ZPLD1: variants seen among roughly 807,000 people sequenced by gnomAD.
ZPLD1 encodes zona pellucida-like domain-containing protein 1.
Under a neutral mutation model 47.2 loss-of-function variants are expected in ZPLD1, and 34 were observed. The observed-to-expected ratio is 0.72, with a 90% CI of 0.55 to 0.96. The LOEUF (loss-of-function observed/expected upper bound fraction) is 0.96. Ranked by LOEUF, ZPLD1 falls within the 40% of genes least tolerant of loss-of-function variation. The pLI, the probability that ZPLD1 is intolerant of heterozygous loss-of-function variation, is 0.00. For missense variants in ZPLD1, 512 were observed against 505.8 expected (o/e 1.01, Z -0.12); for synonymous variants, 176 against 186.2 (o/e 0.95, Z 0.45).
In ZPLD1 at chr3:102,422,200, C is replaced by T. The variant is rs560861889; in HGVS notation, c.-9+3993C>T. 5.3e-5 allele frequency among the ~76,000 whole-genome samples: 8 copies of T among 151,990 alleles called. No homozygotes were observed. The East Asian group carries it at 5.8e-4, about 11-fold the overall frequency. ...TCTGCACTCTAGTAGCTCCTAAATA[C>T]GAAGATGAATATCATACTCTTGCTG... is the stretch of plus-strand genomic sequence containing the variant. On this transcript the variant is annotated intron_variant, in intron 8 of 17. Transcript: ENST00000491959.
chr3:102,435,289 T>G (rs1313616991), intron 1 of ZPLD1, 135 bp downstream of exon 1: 3 of 915,064 alleles, frequency 3.3e-6, no homozygotes, highest in Non-Finnish European at 5.2e-6. Context: ...GGATACTGCC[T>G]TTATAAGAGA....
intron 3 of ZPLD1, among the ~76,000 whole-genome samples, chr3:102,444,940 G>A (rs932952981): frequency 9.9e-5 from 15 of 152,102 alleles, no homozygotes; most frequent in Admixed American, 7.2e-4. Flanking sequence ...CTCTACCCCC[G>A]TCCTCTCCAG....
At chr3:102,387,596 C>A (rs1176310080) in intron 6 of ZPLD1, among the ~76,000 whole-genome samples, 1 of 152,090 alleles carries the variant, frequency 6.6e-6, no homozygotes, top group African/African-American at 2.4e-5. Flanking sequence ...GGTTAAGAAT[C>A]ATTTTCTCTC....
intron 2 of ZPLD1, among the ~76,000 whole-genome samples, chr3:102,437,176 C>A (rs951949218): frequency 6.6e-6 from 1 of 152,168 alleles, no homozygotes; most frequent in Non-Finnish European, 1.5e-5. Context: ...CACAGGCAAT[C>A]AGAACTAACT....
At chr3:102,458,355 TA>T (rs1707451797) in intron 6 of ZPLD1, among the ~76,000 whole-genome samples, 1 of 152,196 alleles carries the variant, frequency 6.6e-6, no homozygotes. Context: ...TAGCATTATC[TA>T]AATTTTTGTC....
rs75260029 is a variant in ZPLD1 at position 102,411,651 on chromosome 3, C to A, written c.-156-6409C>A. 1.2e-3 allele frequency among the ~76,000 whole-genome samples: 186 copies of A among 151,766 alleles called. 2 individuals are homozygous for A. In the East Asian group the frequency reaches 0.029, roughly 24 times the overall value. On this transcript the variant is annotated intron_variant, in intron 7 of 17. Transcript: ENST00000491959. ...CCAGATTTAGGTCTCCAAAAGAATCCTTCCCCCAAGAATAATGAGTCAACT... is the reference window on the plus strand; with the variant it reads ...CCAGATTTAGGTCTCCAAAAGAATCATTCCCCCAAGAATAATGAGTCAACT...
chr3:102,419,790 CTT>C (rs1165883868), intron 8 of ZPLD1, among the ~76,000 whole-genome samples: 1 of 151,402 alleles, frequency 6.6e-6, no homozygotes, highest in African/African-American at 2.4e-5. Flanking sequence ...GCTTGAATAA[CTT>C]TAAGTTCATG....
chr3:102,420,105 T>C (rs948283176), intron 8 of ZPLD1, among the ~76,000 whole-genome samples: 2 of 151,858 alleles, frequency 1.3e-5, no homozygotes, highest in Non-Finnish European at 2.9e-5. Context: ...GATGTCTAAG[T>C]TGATTTCAAG....
intron 8 of ZPLD1, among the ~76,000 whole-genome samples, chr3:102,420,000 G>A (rs1345354121): frequency 6.6e-6 from 1 of 151,000 alleles, no homozygotes; most frequent in Non-Finnish European, 1.5e-5. Flanking sequence ...ATTGTAAAAT[G>A]GTGTAGCTGG....
intron 8 of ZPLD1, among the ~76,000 whole-genome samples, chr3:102,424,453 C>G (rs1372140075): frequency 6.6e-6 from 1 of 152,160 alleles, no homozygotes; most frequent in East Asian, 1.9e-4. Flanking sequence ...TAATCAAACT[C>G]TATAATCTAA....
At chr3:102,425,334 A>G (rs1481045359) in intron 8 of ZPLD1, among the ~76,000 whole-genome samples, 3 of 152,158 alleles carry the variant, frequency 2.0e-5, no homozygotes, top group African/African-American at 4.8e-5. Flanking sequence ...CCAAAATACT[A>G]TGAAATGTAT....
At chr3:102,465,196 A>G (rs1559760376) in intron 8 of ZPLD1, among the ~76,000 whole-genome samples, 1 of 152,222 alleles carries the variant, frequency 6.6e-6, no homozygotes, top group Non-Finnish European at 1.5e-5. Flanking sequence ...AATATTTATG[A>G]CATTCTGGTC....
chr3:102,414,977 A>C (rs1259324217), intron 7 of ZPLD1, among the ~76,000 whole-genome samples: 1 of 151,926 alleles, frequency 6.6e-6, no homozygotes, highest in East Asian at 1.9e-4. Context: ...ATCAAAAGTA[A>C]GGCTAATTTA....
At chr3:102,402,212 T>C (rs987552919) in intron 7 of ZPLD1, among the ~76,000 whole-genome samples, 1 of 152,062 alleles carries the variant, frequency 6.6e-6, no homozygotes, top group South Asian at 2.1e-4. Context: ...AGTATTTTAC[T>C]GCTCTTTTTT....
At chr3:102,460,669 T>G (rs940463909) in intron 6 of ZPLD1, among the ~76,000 whole-genome samples, 2 of 151,992 alleles carry the variant, frequency 1.3e-5, no homozygotes, top group Non-Finnish European at 2.9e-5. Flanking sequence ...AATATATTAC[T>G]AATGAGTAAA....
chr3:102,476,897 G>A lies in ZPLD1; in HGVS notation c.1043-115G>A, dbSNP rs76269972. ...TTACTCAAGGAGATTATGGGTGGAC[G>A]TAAGAGGAGATAACAGGTAAAAATG... On this transcript the variant is annotated intron_variant, in intron 10 of 11. Coordinates refer to ENST00000466937, the MANE Select transcript of ZPLD1 (RefSeq NM_001329788.2). 3.0e-3 allele frequency: 3,690 copies of A among 1,230,898 alleles called. 91 individuals carry two copies. In the African/African-American group the frequency reaches 0.049, roughly 16 times the overall value. The allele number at this position is 1,230,898 out of a possible 1,614,324, so 76.2% of individuals were successfully genotyped here. A position where few individuals can be genotyped will look rare whatever the true frequency, so the allele number is the denominator to read the frequency against.
intron 6 of ZPLD1, among the ~76,000 whole-genome samples, chr3:102,385,937 G>T (rs1266982689): frequency 6.6e-6 from 1 of 152,150 alleles, no homozygotes; most frequent in Admixed American, 6.5e-5. Context: ...CCTCTTGTCT[G>T]GTTCCCAGAA....
At position 102,479,667 on chromosome 3, in the gene ZPLD1, A is replaced by G. The variant is rs1033633481; in HGVS notation, c.*2049A>G. ...ACTTTGTTCTTATAAATCTGCAGTT[A>G]TATGGAGTATTTAGTTATACTGAAT... On this transcript the variant is annotated 3_prime_UTR_variant, in exon 12 of 12. Coordinates refer to ENST00000466937, the MANE Select transcript of ZPLD1 (RefSeq NM_001329788.2). 3 of 152,184 alleles carry G rather than the reference A, an allele frequency of 2.0e-5. No homozygotes were observed. Among genetic ancestry groups the G allele is most frequent in the Non-Finnish European group, 4.4e-5 (3 of 68,034 alleles). The allele number at this position is 152,184 out of a possible 1,614,324, so 9.4% of individuals were successfully genotyped here. A position where few individuals can be genotyped will look rare whatever the true frequency, so the allele number is the denominator to read the frequency against.
chr3:102,470,838 G>A (rs1707672696), intron 10 of ZPLD1, among the ~76,000 whole-genome samples: 1 of 152,048 alleles, frequency 6.6e-6, no homozygotes, highest in South Asian at 2.1e-4. Flanking sequence ...GGGTGCAGTG[G>A]TGTGATCTCG....
Sources: allele counts gnomAD v4.1 joint callset (sites outside exome capture counted in the v4.1 genomes callset), GRCh38; gene constraint gnomAD v4.1.1; transcripts MANE v1.5; gene names NCBI Gene and HGNC (gene_info 2026-07-23, HGNC 2026-07-21).